BRIX1: variants seen among roughly 807,000 people sequenced by gnomAD.
The protein encoded by BRIX1 is ribosome biogenesis protein BRX1 homolog.
Under a neutral mutation model 44.0 loss-of-function variants are expected in BRIX1, and 15 were observed. That is an observed-to-expected ratio of 0.34 (90% CI 0.23 to 0.53). The LOEUF (loss-of-function observed/expected upper bound fraction) is 0.53. BRIX1 is among the 20% of genes least tolerant of loss of function. BRIX1 has a pLI of 0.95. For synonymous variants in BRIX1, 149 were observed against 135.4 expected, an observed-to-expected ratio of 1.10 and a Z score of -0.70; for missense variants, 420 against 432.8, an observed-to-expected ratio of 0.97 and a Z score of 0.26.
chr5:34,915,972 A>C (rs910353568), intron 1 of BRIX1, 75 bp downstream of exon 1: 1 of 1,443,812 alleles, frequency 6.9e-7, no homozygotes, highest in Non-Finnish European at 9.1e-7. Context: ...TTACTTGACT[A>C]CAGCCTTGCT....
intron 1 of BRIX1, chr5:34,916,098 G>A: frequency 3.6e-6 from 2 of 562,526 alleles, no homozygotes; most frequent in East Asian, 6.9e-5. Context: ...CCTGGAGGCG[G>A]CGGGTTTTAA....
rs748885270 is a variant in BRIX1, at chr5:34,922,579, G to A, written c.427G>A (p.Val143Ile). The change falls in exon 5 of 10, where the codon GTT becomes ATT. Residue 143 changes from valine to isoleucine, a missense_variant. Physicochemically the swap from Val to Ile is conservative, Grantham distance 29 (BLOSUM62 3). Transcript: ENST00000336767. ...SPHGPSAKFL[V>I]QNIHTLAELK... ...TCACGGACCATCTGCTAAATTCCTT[G>A]TTCAAAATAGTAAGTTGACTCAATA... is the stretch of plus-strand genomic sequence containing the variant. 2 of 1,606,980 alleles carry A rather than the reference G, an allele frequency of 1.2e-6. No individual in the cohort carries two copies. The highest frequency in any genetic ancestry group is 1.7e-6 in the Non-Finnish European group (2 of 1,173,702).
In BRIX1 at chr5:34,916,137, C is replaced by T. The variant is rs562796709; in HGVS notation, c.159+240C>T. 9.8e-6 allele frequency: 4 copies of T among 407,478 alleles called. No individual in the cohort carries two copies. The South Asian group carries it at 2.1e-4, about 21-fold the overall frequency. The allele number at this position is 407,478 out of a possible 1,614,324, so 25.2% of individuals were successfully genotyped here. ...CTTTACCCGGCCCACGGGGAAGCGA[C>T]TTACAGGGTGCTCAGATCCAGCGTT... On this transcript the variant is annotated intron_variant, in intron 1 of 9. Coordinates refer to ENST00000336767, the MANE Select transcript of BRIX1 (RefSeq NM_018321.4).
intron 8 of BRIX1, 76 bp downstream of exon 8, chr5:34,923,310 GCT>G (rs1764281759): frequency 8.4e-7 from 1 of 1,188,644 alleles, no homozygotes; most frequent in African/African-American, 1.5e-5. Flanking sequence ...ACAGAGTCTC[GCT>G]CTTGTTGCCC....
Position 34,923,015 on chromosome 5 carries a change from A to G in BRIX1, c.525A>G (p.Leu175=), listed in dbSNP as rs1011328775. 3.3e-6 allele frequency: 5 copies of G among 1,536,530 alleles called. 1 individual carries two copies. The African/African-American group carries it at 6.8e-5, about 21-fold the overall frequency. ...LLSFDPAFDE[L]PHYALLKELL... is the part of the protein sequence containing the mutation. ...TATTTTTATAGGCTTTTGATGAATT[A>G]CCACATTATGCTTTGTTAAAAGAAC... Residue 175 remains leucine (L), a synonymous_variant, in exon 7 of 10, where the codon TTA becomes TTG. Coordinates refer to ENST00000336767, the MANE Select transcript of BRIX1 (RefSeq NM_018321.4).
At chr5:34,918,165 C>A in intron 1 of BRIX1, 199 bp from the exon 2 acceptor site, 5 of 322,142 alleles carry the variant, frequency 1.6e-5, no homozygotes, top group East Asian at 5.1e-5. Context: ...AAAAAACTAG[C>A]TGGACATGGT....
intron 8 of BRIX1, 68 bp downstream of exon 8, chr5:34,923,302 A>AGAGTCT: frequency 7.9e-7 from 1 of 1,258,186 alleles, no homozygotes; most frequent in Non-Finnish European, 1.1e-6. Flanking sequence ...GTTTTGAGAC[A>AGAGTCT]GAGTCTCGCT....
intron 3 of BRIX1, 44 bp from the exon 4 acceptor site, chr5:34,922,173 A>T: frequency 8.9e-7 from 1 of 1,128,456 alleles, no homozygotes; most frequent in Non-Finnish European, 1.3e-6. Flanking sequence ...TTTAGTTCTC[A>T]TTTATATTAT....
chr5:34,925,236 T>A lies in BRIX1; in HGVS notation c.803T>A (p.Val268Asp). The change falls in exon 10 of 10, where the codon GTC (valine) becomes GAC (aspartate). Residue 268 changes from valine to aspartate, a missense_variant. Val to Asp is a radical substitution (Grantham distance 152). Coordinates refer to ENST00000336767, the MANE Select transcript of BRIX1 (RefSeq NM_018321.4). Reference protein sequence around the residue: ...HYQSPNMHRRVIRSITAAKYR... With the variant: ...HYQSPNMHRRDIRSITAAKYR... ...TTTTTTTTTTTTTAGCATCGGCGTGTCATAAGATCCATCACAGCTGCAAAA... is the reference window on the plus strand; with the variant it reads ...TTTTTTTTTTTTTAGCATCGGCGTGACATAAGATCCATCACAGCTGCAAAA... 6.3e-7 allele frequency: 1 copy of A among 1,578,730 alleles called. No individual in the cohort carries two copies. Among genetic ancestry groups the A allele is most frequent in the Non-Finnish European group, 8.6e-7 (1 of 1,165,552 alleles).
Position 34,919,720 on chromosome 5 carries a change from T to C in BRIX1, c.272-120T>C, listed in dbSNP as rs1453997623. ...CTTGTTTTGAAAATTAGTAATAAAA[T>C]CTCCTTTAAACTGAAGAGTGTAAAA... is the stretch of plus-strand genomic sequence containing the variant. On this transcript the variant is annotated intron_variant, in intron 2 of 9. Coordinates refer to ENST00000336767, the MANE Select transcript of BRIX1 (RefSeq NM_018321.4). 3 of 373,818 alleles carry C rather than the reference T, an allele frequency of 8.0e-6. No homozygotes were observed. The East Asian group carries it at 1.2e-4, about 15-fold the overall frequency. The allele number at this position is 373,818 out of a possible 1,614,324, so 23.2% of individuals were successfully genotyped here. A position where few individuals can be genotyped will look rare whatever the true frequency, so the allele number is the denominator to read the frequency against.
In BRIX1 at chr5:34,923,133, A is replaced by G. The variant is rs771819953; in HGVS notation, c.562A>G (p.Ile188Val). 3 of 1,612,126 alleles carry G rather than the reference A, an allele frequency of 1.9e-6. No homozygotes were observed. Among genetic ancestry groups the G allele is most frequent in the Admixed American group, 1.7e-5 (1 of 59,976 alleles). Residue 188 changes from isoleucine to valine, a missense_variant and splice_region_variant, in exon 8 of 10, where the codon ATC becomes GTC. Ile to Val is a conservative substitution (Grantham distance 29, BLOSUM62 3). Transcript: ENST00000336767. Reference protein sequence around the residue: ...YALLKELLIQIFSTPRYHPKS... With the variant: ...YALLKELLIQVFSTPRYHPKS... ...AACTAACATACACTTTTTTAACTAG[A>G]TCTTTAGTACACCACGGTATCATCC...
At chr5:34,917,617 G>T (rs1764146101) in intron 1 of BRIX1, among the ~76,000 whole-genome samples, 1 of 152,162 alleles carries the variant, frequency 6.6e-6, no homozygotes, top group South Asian at 2.1e-4. Flanking sequence ...TCCAGCCTGG[G>T]TGACAGAGTG....
intron 8 of BRIX1, among the ~76,000 whole-genome samples, chr5:34,923,653 C>T (rs950317312): frequency 5.3e-5 from 8 of 152,150 alleles, no homozygotes; most frequent in Admixed American, 3.3e-4. Flanking sequence ...CAAATCATTC[C>T]TCCTCAGCAT....
rs1561173542 is a variant in BRIX1, at chr5:34,924,851, TAGA to T, written c.675_677del (p.Glu225del). On this transcript the variant is annotated inframe_deletion, in exon 9 of 10. Coordinates refer to ENST00000336767, the MANE Select transcript of BRIX1 (RefSeq NM_018321.4). ...AATGTTTCCTTTTTATTAAAGATCA[TAGA>T]AGAAGATGCTGCTCTTGTAGAAATA... The T allele has an allele frequency of 1.3e-6, 2 of 1,597,346 alleles. No individual in the cohort carries two copies. Among genetic ancestry groups the T allele is most frequent in the African/African-American group, 1.3e-5 (1 of 74,658 alleles).
rs1429548112 is a variant in BRIX1 at position 34,922,146 on chromosome 5, T to C, written c.316-71T>C. On this transcript the variant is annotated intron_variant, in intron 3 of 9. Transcript: ENST00000336767. ...ATTTTTGAGATAATCTGGATGATAT[T>C]AATCACATATAATTACTTTAGTTCT... 9 of 839,504 alleles carry C rather than the reference T, an allele frequency of 1.1e-5. No homozygotes were observed. The Admixed American group carries it at 2.1e-4, about 19-fold the overall frequency. 52.0% of individuals were successfully genotyped at this position (839,504 alleles called of 1,614,324 possible). A position where few individuals can be genotyped will look rare whatever the true frequency, so the allele number is the denominator to read the frequency against.
chr5:34,917,391 T>A, intron 1 of BRIX1, among the ~76,000 whole-genome samples: 1 of 151,808 alleles, frequency 6.6e-6, no homozygotes, highest in Non-Finnish European at 1.5e-5. Context: ...CCCAGCACTT[T>A]GGGAGGCCGA....
chr5:34,916,615 TTTCA>T (rs1313175950), intron 1 of BRIX1: 3 of 152,258 alleles, frequency 2.0e-5, no homozygotes, highest in African/African-American at 7.2e-5. Flanking sequence ...TAGAATTAGC[TTTCA>T]TTCAACTAAG....
chr5:34,925,049 G>T (rs1182685807), intron 9 of BRIX1, 74 bp downstream of exon 9: 1 of 1,538,096 alleles, frequency 6.5e-7, no homozygotes, highest in Non-Finnish European at 8.7e-7. Context: ...TGAAGTAATT[G>T]CTGTTTTATT....
At chr5:34,916,356 C>G (rs548938079) in intron 1 of BRIX1, 1 of 153,726 alleles carries the variant, frequency 6.5e-6, no homozygotes, top group African/African-American at 2.4e-5. Context: ...GGGACTGTGA[C>G]TCTGACTTGT....
Sources: gnomAD v4.1 joint callset for allele counts (sites outside exome capture counted in the v4.1 genomes callset) on GRCh38, gnomAD v4.1.1 for gene constraint, MANE v1.5 for transcripts, NCBI Gene and HGNC (gene_info 2026-07-23, HGNC 2026-07-21) for gene names.